Variants in NRXN3 observed in about 807,000 individuals in gnomAD.
NRXN3 encodes neurexin III.
Under a neutral mutation model 137.6 loss-of-function variants are expected in NRXN3, and 32 were observed. The observed-to-expected ratio is 0.23, with a 90% CI of 0.18 to 0.31. The LOEUF (loss-of-function observed/expected upper bound fraction) is 0.31, where lower values mean the gene tolerates loss of function less well. Ranked by LOEUF, NRXN3 falls within the 10% of genes least tolerant of loss-of-function variation. NRXN3 has a pLI of 1.00. For missense variants in NRXN3, 1,574 were observed against 2,062.5 expected (o/e 0.76, Z 4.59); for synonymous variants, 798 against 784.5 (o/e 1.02, Z -0.29).
chr14:79,363,093 T>C (rs2093745380), intron 15 of NRXN3, among the ~76,000 whole-genome samples: 2 of 151,718 alleles, frequency 1.3e-5, no homozygotes, highest in African/African-American at 4.8e-5. Context: ...CTCCACCTCC[T>C]GGGTTCAAGC....
intron 15 of NRXN3, among the ~76,000 whole-genome samples, chr14:79,455,476 T>C (rs190493791): frequency 6.6e-6 from 1 of 152,306 alleles, no homozygotes; most frequent in East Asian, 1.9e-4. Flanking sequence ...TGTTGAAAGG[T>C]AGATGAAAAT....
intron 15 of NRXN3, among the ~76,000 whole-genome samples, chr14:79,267,282 G>C (rs566911015): frequency 6.6e-6 from 1 of 151,888 alleles, no homozygotes; most frequent in Non-Finnish European, 1.5e-5. Flanking sequence ...TAAGGATATA[G>C]AATTATTTTC....
At chr14:78,763,470 ATATAAT>A (rs907794033) in intron 8 of NRXN3, among the ~76,000 whole-genome samples, 1 of 151,476 alleles carries the variant, frequency 6.6e-6, no homozygotes, top group African/African-American at 2.4e-5. Context: ...AAAATACTAT[ATATAAT>A]TATAAATATG....
At position 78,184,083 on chromosome 14, in the gene NRXN3, A is replaced by G. The variant is rs372401465; in HGVS notation, c.-704+13409A>G. 3.9e-5 allele frequency among the ~76,000 whole-genome samples: 6 copies of G among 152,354 alleles called. No homozygotes were observed. The South Asian group carries it at 1.2e-3, about 32-fold the overall frequency. On this transcript the variant is annotated intron_variant, in intron 1 of 20. Transcript: ENST00000335750. ...TATATGTTTGTTATAGAACATTAAGAAAACACCAAAAACAAAAATAAGTCA... is the reference window on the plus strand; with the variant it reads ...TATATGTTTGTTATAGAACATTAAGGAAACACCAAAAACAAAAATAAGTCA...
At chr14:79,256,683 G>A (rs2076624313) in intron 15 of NRXN3, among the ~76,000 whole-genome samples, 1 of 152,150 alleles carries the variant, frequency 6.6e-6, no homozygotes, top group Admixed American at 6.5e-5. Flanking sequence ...AGATCTTTTG[G>A]ACAGCCTGTT....
chr14:78,972,278 G>A lies in NRXN3; in HGVS notation c.3142+3932G>A, dbSNP rs74067004. On this transcript the variant is annotated intron_variant, in intron 14 of 20. Transcript: ENST00000335750. ...ACGTGCTTTGTTTTGAAACTGGCAC[G>A]AATAAATAAAAATGACATTAGTCTG... Among the ~76,000 whole-genome samples, 758 of 152,248 alleles carry A rather than the reference G, an allele frequency of 5.0e-3. 6 individuals are homozygous for A. The highest frequency in any genetic ancestry group is 0.017 in the African/African-American group (713 of 41,548).
At chr14:79,252,073 C>T (rs185116237) in intron 15 of NRXN3, among the ~76,000 whole-genome samples, 25 of 152,236 alleles carry the variant, frequency 1.6e-4, no homozygotes, top group Admixed American at 5.2e-4. Context: ...CACTAAGTAG[C>T]TAATCCTTTC....
intron 19 of NRXN3, among the ~76,000 whole-genome samples, chr14:79,720,491 CAG>C (rs2098840729): frequency 2.0e-5 from 3 of 152,184 alleles, no homozygotes; most frequent in South Asian, 2.1e-4. Flanking sequence ...CTATGCACAG[CAG>C]AGAGTTTAAG....
intron 4 of NRXN3, among the ~76,000 whole-genome samples, chr14:78,471,632 G>GT (rs1277583021): frequency 3.9e-5 from 6 of 152,236 alleles, no homozygotes; most frequent in African/African-American, 9.6e-5. Context: ...ATGTTGATGA[G>GT]TTTTTTTACC....
rs754726542 is a variant in NRXN3 at position 78,243,357 on chromosome 14, C to T, written c.264C>T (p.Arg88=). 6.4e-7 allele frequency: 1 copy of T among 1,562,380 alleles called. No individual in the cohort carries two copies. ...TGGTGGATGGCCGCGTTCAGCTCCG[C>T]TTCAGCATGGACTGTGCCGAGACTG... The part of the protein sequence containing the change: ...LSLVDGRVQL[R]FSMDCAETAV... Residue 88 remains arginine (R), a synonymous_variant, in exon 2 of 21, where the codon CGC becomes CGT. Coordinates refer to ENST00000335750, the MANE Select transcript of NRXN3 (RefSeq NM_001330195.2). The surrounding 1 kb of genome is among the most constrained non-coding windows in gnomAD (Gnocchi z 4.2).
intron 4 of NRXN3, among the ~76,000 whole-genome samples, chr14:78,499,999 A>G (rs1243988266): frequency 6.6e-6 from 1 of 152,168 alleles, no homozygotes; most frequent in Non-Finnish European, 1.5e-5. Flanking sequence ...GTTCAACGCA[A>G]ACTCTAAAGG....
intron 10 of NRXN3, among the ~76,000 whole-genome samples, chr14:78,926,762 T>TATAATATAAAAAATATATTATATATTA (rs2099296822): frequency 4.5e-5 from 2 of 44,618 alleles, no homozygotes; most frequent in East Asian, 8.7e-4. Flanking sequence ...TATATATATA[T>TATAATATAAAAAATATATTATATATTA]TATATATATT....
At position 79,496,926 on chromosome 14, in the gene NRXN3, T is replaced by C. The variant is rs143010856; in HGVS notation, c.3444+29524T>C. Among the ~76,000 whole-genome samples the C allele has an allele frequency of 4.8e-3, 733 of 152,308 alleles. 10 individuals are homozygous for C. Among genetic ancestry groups the C allele is most frequent in the Non-Finnish European group, 4.7e-3 (320 of 68,022 alleles). On this transcript the variant is annotated intron_variant, in intron 16 of 20. Transcript: ENST00000335750. ...GGATATGAATTGAGCCTTTGCCAGA[T>C]GCTAAACACTTGTTCTAAACCCTCT...
intron 19 of NRXN3, among the ~76,000 whole-genome samples, chr14:79,725,608 T>G (rs547766296): frequency 6.6e-6 from 1 of 152,284 alleles, no homozygotes; most frequent in Non-Finnish European, 1.5e-5. Context: ...ATTTCCCCAT[T>G]GACTTTCTTG....
At chr14:78,318,695 C>T (rs2078985593) in intron 4 of NRXN3, among the ~76,000 whole-genome samples, 1 of 152,154 alleles carries the variant, frequency 6.6e-6, no homozygotes. Flanking sequence ...TATTACCTGC[C>T]TTAGCCGTCA....
At chr14:79,662,138 C>A (rs565856731) in intron 16 of NRXN3, among the ~76,000 whole-genome samples, 1 of 152,244 alleles carries the variant, frequency 6.6e-6, no homozygotes, top group African/African-American at 2.4e-5. Flanking sequence ...AACTGTGAGT[C>A]AATTAAACCT....
intron 20 of NRXN3, among the ~76,000 whole-genome samples, chr14:79,848,944 A>G (rs1276993041): frequency 1.3e-5 from 2 of 152,186 alleles, no homozygotes; most frequent in African/African-American, 4.8e-5. Flanking sequence ...AGAACTTTGG[A>G]TTCCCCAAAC....
At chr14:79,477,954 A>G (rs1461999121) in intron 16 of NRXN3, among the ~76,000 whole-genome samples, 1 of 151,922 alleles carries the variant, frequency 6.6e-6, no homozygotes, top group Non-Finnish European at 1.5e-5. Context: ...AACAGATAAG[A>G]GTTTGACTTT....
chr14:79,174,358 G>T (rs575598240), intron 15 of NRXN3, among the ~76,000 whole-genome samples: 23 of 152,018 alleles, frequency 1.5e-4, no homozygotes, highest in Non-Finnish European at 2.6e-4. Flanking sequence ...AAGTAACAAT[G>T]AGATGTTTTG....
Sources: gnomAD v4.1 joint callset for allele counts (sites outside exome capture counted in the v4.1 genomes callset) on GRCh38, gnomAD v4.1.1 for gene constraint, Gnocchi (gnomAD v3.1) non-coding constraint, MANE v1.5 for transcripts, NCBI Gene and HGNC (gene_info 2026-07-23, HGNC 2026-07-21) for gene names.